CDK17: variants seen among roughly 807,000 people sequenced by gnomAD.
CDK17 encodes the protein cyclin-dependent kinase 17.
In CDK17, 24 loss-of-function variants were observed where a neutral mutation model predicts 77.6. The observed-to-expected ratio is 0.31, with a 90% confidence interval of 0.22 to 0.44. CDK17 has a LOEUF of 0.44. CDK17 is among the 20% of genes least tolerant of loss of function. The pLI is 1.00. For synonymous variants in CDK17, 203 were observed against 210.4 expected, an observed-to-expected ratio of 0.96 and a Z score of 0.30; for missense variants, 429 against 622.5, an observed-to-expected ratio of 0.69 and a Z score of 3.31.
intron 7 of CDK17, 134 bp from the exon 8 acceptor site, chr12:96,297,855 A>T (rs557084427): frequency 1.2e-5 from 6 of 494,314 alleles, no homozygotes; most frequent in African/African-American, 1.2e-4. Flanking sequence ...CTATAATCCC[A>T]GCACTTTTGA....
chr12:96,289,358 T>C (rs1393309840), intron 10 of CDK17, 71 bp from the exon 11 acceptor site: 6 of 1,550,548 alleles, frequency 3.9e-6, no homozygotes, highest in Middle Eastern at 1.7e-4. Context: ...ATTCTCACCA[T>C]GACTCCATTC....
intron 1 of CDK17, among the ~76,000 whole-genome samples, chr12:96,375,919 C>T (rs1953774151): frequency 6.6e-6 from 1 of 152,100 alleles, no homozygotes; most frequent in African/African-American, 2.4e-5. Flanking sequence ...CCTCATTCCC[C>T]AGGGGAAAAA....
intron 2 of CDK17, among the ~76,000 whole-genome samples, chr12:96,329,785 A>T (rs775401344): frequency 6.6e-6 from 1 of 152,240 alleles, no homozygotes; most frequent in Non-Finnish European, 1.5e-5. Context: ...CAGCAAGATA[A>T]AGAGACCTAG....
chr12:96,325,237 T>C (rs1952877258), intron 2 of CDK17, among the ~76,000 whole-genome samples: 1 of 152,204 alleles, frequency 6.6e-6, no homozygotes, highest in Non-Finnish European at 1.5e-5. Flanking sequence ...CTTTTTAAAA[T>C]GAAGCCAACT....
At chr12:96,286,782 A>G (rs772123514) in intron 11 of CDK17, 21 bp from the exon 12 acceptor site, 47 of 1,555,542 alleles carry the variant, frequency 3.0e-5, no homozygotes, top group Non-Finnish European at 4.0e-5. Flanking sequence ...GATCATGAAA[A>G]TAATTTAGCA....
intron 1 of CDK17, among the ~76,000 whole-genome samples, chr12:96,360,409 A>G (rs965437248): frequency 6.6e-6 from 1 of 152,184 alleles, no homozygotes; most frequent in African/African-American, 2.4e-5. Flanking sequence ...CTCATTAACA[A>G]CTGAACTAGA....
At chr12:96,303,515 A>G (rs1952535737) in intron 5 of CDK17, 2 of 152,110 alleles carry the variant, frequency 1.3e-5, no homozygotes, top group South Asian at 4.1e-4. Flanking sequence ...CTCAAAGCTT[A>G]TATTTTCATG....
intron 3 of CDK17, among the ~76,000 whole-genome samples, chr12:96,315,996 C>T (rs576619472): frequency 4.6e-5 from 7 of 151,864 alleles, no homozygotes; most frequent in Non-Finnish European, 8.8e-5. Context: ...CAGCTCCCAG[C>T]GTGAGCGACG....
chr12:96,372,604 A>G (rs1446559114), intron 1 of CDK17, among the ~76,000 whole-genome samples: 4 of 152,146 alleles, frequency 2.6e-5, no homozygotes, highest in African/African-American at 7.2e-5. Context: ...ATTTTCACCA[A>G]AACAGTAAGA....
At chr12:96,307,959 G>A (rs910745731) in intron 5 of CDK17, among the ~76,000 whole-genome samples, 1 of 152,136 alleles carries the variant, frequency 6.6e-6, no homozygotes, top group African/African-American at 2.4e-5. Flanking sequence ...TCAAGTTTGT[G>A]TTATACTTTT....
At chr12:96,379,609 T>G (rs1486523681) in intron 1 of CDK17, among the ~76,000 whole-genome samples, 2 of 151,976 alleles carry the variant, frequency 1.3e-5, no homozygotes, top group Non-Finnish European at 2.9e-5. Flanking sequence ...AAACATTTTT[T>G]GTAGAGACGG....
chr12:96,399,582 A>G (rs996797900), intron 1 of CDK17, among the ~76,000 whole-genome samples: 1 of 133,266 alleles, frequency 7.5e-6, no homozygotes, highest in African/African-American at 2.9e-5. Context: ...CTCCAGCTCC[A>G]CCCCCGCCGA....
intron 1 of CDK17, among the ~76,000 whole-genome samples, chr12:96,376,051 C>T (rs928809975): frequency 1.3e-5 from 2 of 152,098 alleles, no homozygotes; most frequent in African/African-American, 4.8e-5. Flanking sequence ...AGAACTGAAA[C>T]TGTCTACACC....
At chr12:96,395,519 T>C (rs1254473914) in intron 1 of CDK17, among the ~76,000 whole-genome samples, 1 of 152,224 alleles carries the variant, frequency 6.6e-6, no homozygotes, top group Non-Finnish European at 1.5e-5. Context: ...AATACCTATA[T>C]GAAGCGCTTA....
intron 1 of CDK17, 139 bp downstream of exon 1, chr12:96,399,847 G>A (rs1954230541): frequency 8.1e-6 from 2 of 247,262 alleles, no homozygotes; most frequent in Non-Finnish European, 1.5e-5. Flanking sequence ...GCGCCTCCTC[G>A]CTCAACTTCC....
intron 1 of CDK17, among the ~76,000 whole-genome samples, chr12:96,347,917 T>C (rs995864841): frequency 1.3e-5 from 2 of 152,108 alleles, no homozygotes; most frequent in African/African-American, 2.4e-5. Context: ...TTTGTGCATA[T>C]GTGGAAATTA....
At chr12:96,308,229 T>TAAAAAAAAAAAAAAAAAAAAAAAAAAAA (rs61572243) in intron 5 of CDK17, among the ~76,000 whole-genome samples, 1 of 63,766 alleles carries the variant, frequency 1.6e-5, no homozygotes, top group Non-Finnish European at 3.1e-5. Flanking sequence ...ATGCCATCTC[T>TAAAAAAAAAAAAAAAAAAAAAAAAAAAA]AAAAAAAAAA....
intron 13 of CDK17, among the ~76,000 whole-genome samples, chr12:96,284,254 A>AG (rs1297709765): frequency 2.0e-5 from 3 of 152,072 alleles, no homozygotes; most frequent in Non-Finnish European, 4.4e-5. Flanking sequence ...GTGGATCACG[A>AG]GGTCAGGAGA....
chr12:96,278,338 A>G lies in CDK17; in HGVS notation c.*1904T>C, dbSNP rs1211834099. On this transcript the variant is annotated 3_prime_UTR_variant, in exon 17 of 17. Transcript: ENST00000261211. ...CAAATTTGCAACAAATCAAATATAC[A>G]TTCTATGAAGTGACAAATTTGATAC... is the stretch of plus-strand genomic sequence containing the variant. 6.6e-6 allele frequency: 1 copy of G among 152,138 alleles called. No individual in the cohort carries two copies. Among genetic ancestry groups the G allele is most frequent in the Non-Finnish European group, 1.5e-5 (1 of 67,990 alleles). The allele number at this position is 152,138 out of a possible 1,614,324, so 9.4% of individuals were successfully genotyped here.
Sources: allele counts gnomAD v4.1 joint callset (sites outside exome capture counted in the v4.1 genomes callset), GRCh38; gene constraint gnomAD v4.1.1; transcripts MANE v1.5; gene names NCBI Gene and HGNC (gene_info 2026-07-23, HGNC 2026-07-21).